DCAF8L2: variants seen among roughly 807,000 people sequenced by gnomAD.
The protein encoded by DCAF8L2 is DDB1- and CUL4-associated factor 8-like protein 2.
For missense variants in DCAF8L2, 430 were observed against 490.7 expected (o/e 0.88, Z 1.17); for synonymous variants, 200 against 190.9 (o/e 1.05, Z -0.39).
At chrX:27,486,710 T>C in the DCAF8L2 span, among the ~76,000 whole-genome samples, 2 of 111,548 alleles carry the variant, frequency 1.8e-5, no homozygotes, top group Admixed American at 9.6e-5. Context: ...TATTTGTGAT[T>C]TTCCTTTATT....
At chrX:27,603,572 A>C (rs1025368633) in intron 1 of DCAF8L2, among the ~76,000 whole-genome samples, 1 of 112,005 alleles carries the variant, frequency 8.9e-6, no homozygotes, top group Non-Finnish European at 1.9e-5. Context: ...CTTAGTGGAG[A>C]TTTAGCTAAG....
the DCAF8L2 span, among the ~76,000 whole-genome samples, chrX:27,491,801 T>C: frequency 6.3e-5 from 7 of 111,835 alleles, no homozygotes; most frequent in African/African-American, 1.6e-4. Context: ...ATCGACTTTC[T>C]ACCAAATACT....
At chrX:27,497,638 C>T in the DCAF8L2 span, among the ~76,000 whole-genome samples, 798 of 108,057 alleles carry the variant, frequency 7.4e-3, 13 homozygotes, top group African/African-American at 0.026. Flanking sequence ...GGGCGATCTC[C>T]GCTCACTGCA....
At chrX:27,528,277 A>G in the DCAF8L2 span, among the ~76,000 whole-genome samples, 8 of 107,291 alleles carry the variant, frequency 7.5e-5, no homozygotes, top group Non-Finnish European at 7.7e-5. Flanking sequence ...ACCTTAGCAT[A>G]TTCTCTGTTT....
At chrX:27,679,836 A>G (rs1036952525) in intron 3 of DCAF8L2, among the ~76,000 whole-genome samples, 1 of 111,839 alleles carries the variant, frequency 8.9e-6, no homozygotes, top group African/African-American at 3.2e-5. Context: ...TAGACCAGCT[A>G]GAGTGGCTTT....
intron 1 of DCAF8L2, among the ~76,000 whole-genome samples, chrX:27,613,042 G>C (rs1368279149): frequency 1.8e-5 from 2 of 111,757 alleles, no homozygotes; most frequent in African/African-American, 3.3e-5. Context: ...ACTTTGGGCA[G>C]TATGGCCATT....
chrX:27,535,212 C>T, the DCAF8L2 span, among the ~76,000 whole-genome samples: 5 of 111,567 alleles, frequency 4.5e-5, no homozygotes, highest in Admixed American at 4.8e-4. Context: ...TGTATTTATG[C>T]TCAGTCTTGA....
intron 3 of DCAF8L2, among the ~76,000 whole-genome samples, chrX:27,689,759 T>C (rs1257474842): frequency 8.9e-6 from 1 of 112,180 alleles, no homozygotes; most frequent in African/African-American, 3.2e-5. Context: ...CCAAGCATTA[T>C]TGATGCAGCC....
At chrX:27,697,652 A>T (rs1195387746) in intron 3 of DCAF8L2, among the ~76,000 whole-genome samples, 1 of 111,125 alleles carries the variant, frequency 9.0e-6, no homozygotes, top group African/African-American at 3.3e-5. Flanking sequence ...ATTTCCCTTA[A>T]TGTTTAATGT....
At chrX:27,518,038 G>A in the DCAF8L2 span, 4 of 993,572 alleles carry the variant, frequency 4.0e-6, no homozygotes, top group Non-Finnish European at 4.3e-6. Context: ...TGTTAAAAAA[G>A]TGAATCCTTT....
At chrX:27,496,650 C>T in the DCAF8L2 span, among the ~76,000 whole-genome samples, 2 of 111,594 alleles carry the variant, frequency 1.8e-5, no homozygotes, top group Admixed American at 9.5e-5. Flanking sequence ...AAAGACACCC[C>T]CATCGTCCCA....
chrX:27,490,063 GA>G, the DCAF8L2 span, among the ~76,000 whole-genome samples: 1 of 110,929 alleles, frequency 9.0e-6, no homozygotes, highest in Non-Finnish European at 1.9e-5. Context: ...TTTTTGTAGA[GA>G]GGGGGTCTCA....
chrX:27,533,773 G>A, the DCAF8L2 span, among the ~76,000 whole-genome samples: 1 of 112,418 alleles, frequency 8.9e-6, no homozygotes, highest in Non-Finnish European at 1.9e-5. Context: ...CCAGATTAAA[G>A]GAAATGCGTG....
chrX:27,485,415 G>A, the DCAF8L2 span, among the ~76,000 whole-genome samples: 2 of 109,857 alleles, frequency 1.8e-5, no homozygotes, highest in African/African-American at 6.8e-5. Flanking sequence ...CTTTAGCTAA[G>A]TCCTTTCATT....
At chrX:27,547,844 T>G in the DCAF8L2 span, among the ~76,000 whole-genome samples, 8 of 86,123 alleles carry the variant, frequency 9.3e-5, no homozygotes, top group Non-Finnish European at 1.7e-4. Flanking sequence ...TCTCTCTCTC[T>G]TTCTCTCTCT....
At chrX:27,581,587 C>CA in the DCAF8L2 span, among the ~76,000 whole-genome samples, 1 of 69,093 alleles carries the variant, frequency 1.4e-5, no homozygotes, top group African/African-American at 5.6e-5. Flanking sequence ...GGATTTAATA[C>CA]AATTTTTTTT....
At chrX:27,472,550 C>T in the DCAF8L2 span, among the ~76,000 whole-genome samples, 1 of 111,004 alleles carries the variant, frequency 9.0e-6, no homozygotes, top group Non-Finnish European at 1.9e-5. Flanking sequence ...CTCCCCTTTT[C>T]CCCACTGACA....
intron 4 of DCAF8L2, among the ~76,000 whole-genome samples, chrX:27,725,324 C>A (rs964642345): frequency 9.0e-6 from 1 of 110,889 alleles, no homozygotes; most frequent in Non-Finnish European, 1.9e-5. Context: ...CCAAGGAATG[C>A]ATTTCCCTTC....
intron 2 of DCAF8L2, among the ~76,000 whole-genome samples, chrX:27,660,627 C>T (rs891798417): frequency 8.9e-6 from 1 of 112,020 alleles, no homozygotes; most frequent in African/African-American, 3.3e-5. Flanking sequence ...CCTCAGGCCA[C>T]TGGTTAGTGC....
Sources: gnomAD v4.1 joint callset for allele counts (sites outside exome capture counted in the v4.1 genomes callset) on GRCh38, gnomAD v4.1.1 for gene constraint, MANE v1.5 for transcripts, NCBI Gene and HGNC (gene_info 2026-07-23, HGNC 2026-07-21) for gene names.